Variants in ENDOD1 observed in about 807,000 individuals in gnomAD.
ENDOD1 encodes the protein endonuclease domain-containing 1 protein.
ENDOD1 carries 9 observed loss-of-function variants against 6.5 expected under a neutral mutation model. That is an observed-to-expected ratio of 1.39 (90% CI 0.84 to 2.43). The LOEUF is 2.43. Among genes scored for constraint, ENDOD1 ranks in the 30% most tolerant of loss-of-function variants. The pLI, the probability that ENDOD1 is intolerant of heterozygous loss-of-function variation, is 0.00. For missense variants in ENDOD1, 648 were observed against 635.5 expected (o/e 1.02, Z -0.21); for synonymous variants, 255 against 255.2 (o/e 1.00, Z 0.01).
At chr11:95,103,041 C>CATT (rs1334064885) in intron 1 of ENDOD1, among the ~76,000 whole-genome samples, 3 of 151,466 alleles carry the variant, frequency 2.0e-5, no homozygotes, top group Admixed American at 6.6e-5. Context: ...TATTGGGTAC[C>CATT]ATTCTATTTT....
At chr11:95,102,857 A>C (rs1859054221) in intron 1 of ENDOD1, among the ~76,000 whole-genome samples, 1 of 152,114 alleles carries the variant, frequency 6.6e-6, no homozygotes, top group Admixed American at 6.5e-5. Context: ...GGCTTTGGAG[A>C]AAGGCTATTT....
chr11:95,104,810 G>C (rs1461726025), intron 1 of ENDOD1, among the ~76,000 whole-genome samples: 1 of 152,162 alleles, frequency 6.6e-6, no homozygotes, highest in Non-Finnish European at 1.5e-5. Context: ...TACCCTGTCT[G>C]TATCTTCTCT....
In ENDOD1 at chr11:95,124,386, A is replaced by G. The variant is rs565942139; in HGVS notation, c.301-3991A>G. ...TTAGTCTCCAATCCATCTCCCCATC[A>G]CTATACAGGTATAGTAGCCAGATAT... On this transcript the variant is annotated intron_variant, in intron 1 of 1. Transcript: ENST00000278505. 2.2e-4 allele frequency among the ~76,000 whole-genome samples: 34 copies of G among 152,344 alleles called. No homozygotes were observed. In the South Asian group the frequency reaches 5.8e-3, roughly 26 times the overall value.
At chr11:95,106,440 A>G (rs1451281377) in intron 1 of ENDOD1, among the ~76,000 whole-genome samples, 1 of 152,110 alleles carries the variant, frequency 6.6e-6, no homozygotes, top group African/African-American at 2.4e-5. Context: ...GGTTTGAGAG[A>G]AGAAGTTGGA....
rs1436642273 is a variant in ENDOD1 at position 95,089,871 on chromosome 11, A to G, written c.-57A>G. On this transcript the variant is annotated 5_prime_UTR_variant, in exon 1 of 2. Coordinates refer to ENST00000278505, the MANE Select transcript of ENDOD1 (RefSeq NM_015036.3). ...GTAGTGCGCTCCCCGCCCAGCCTGC[A>G]GAGCTCGCGCCGCGGCAGCCCAGCC... 1.5e-4 allele frequency: 195 copies of G among 1,283,572 alleles called. No individual in the cohort carries two copies. The highest frequency in any genetic ancestry group is 1.8e-4 in the Non-Finnish European group (184 of 1,013,436). 79.5% of individuals were successfully genotyped at this position (1,283,572 alleles called of 1,614,324 possible).
chr11:95,092,200 G>A (rs782183957), intron 1 of ENDOD1, among the ~76,000 whole-genome samples: 43 of 152,046 alleles, frequency 2.8e-4, no homozygotes, highest in Non-Finnish European at 5.4e-4. Context: ...GAAAGGCATG[G>A]CAGATTCAGG....
At chr11:95,116,158 G>C (rs765309251) in intron 1 of ENDOD1, among the ~76,000 whole-genome samples, 1 of 151,982 alleles carries the variant, frequency 6.6e-6, no homozygotes, top group Admixed American at 6.6e-5. Context: ...TTATAGCTTC[G>C]ATCTCATTAC....
At chr11:95,090,902 C>G (rs535158712) in intron 1 of ENDOD1, among the ~76,000 whole-genome samples, 30 of 152,286 alleles carry the variant, frequency 2.0e-4, no homozygotes, top group Admixed American at 1.7e-3. Flanking sequence ...AATAAAGATA[C>G]AGATTTTTAG....
intron 1 of ENDOD1, among the ~76,000 whole-genome samples, chr11:95,091,506 T>C (rs1183020825): frequency 6.6e-6 from 1 of 152,182 alleles, no homozygotes; most frequent in Non-Finnish European, 1.5e-5. Flanking sequence ...AATCCAAAAT[T>C]AGTTTTCCAC....
intron 1 of ENDOD1, among the ~76,000 whole-genome samples, chr11:95,115,663 T>A (rs1859201563): frequency 6.6e-6 from 1 of 152,106 alleles, no homozygotes; most frequent in Non-Finnish European, 1.5e-5. Context: ...GGTATGTTCC[T>A]TCTATCCCTG....
At position 95,129,226 on chromosome 11, in the gene ENDOD1, A is replaced by G. The variant is rs1023299886; in HGVS notation, c.1150A>G (p.Ile384Val). The G allele has an allele frequency of 3.0e-5, 48 of 1,613,972 alleles. No homozygotes were observed. The Middle Eastern group carries it at 6.6e-4, about 22-fold the overall frequency. The part of the protein sequence containing the change: ...SCLYRLGSAT[I>V]SYFMAIGEEL... ...CCTTTACCGCCTGGGCTCAGCCACC[A>G]TCTCATACTTCATGGCCATTGGGGA... is the stretch of plus-strand genomic sequence containing the variant. The change falls in exon 2 of 2, where the codon ATC becomes GTC. Residue 384 changes from isoleucine (I) to valine (V), a missense_variant. Transcript: ENST00000278505.
chr11:95,116,039 T>C (rs1207228878), intron 1 of ENDOD1, among the ~76,000 whole-genome samples: 3 of 152,304 alleles, frequency 2.0e-5, no homozygotes, highest in South Asian at 2.1e-4. Flanking sequence ...TTCTCTGTTT[T>C]TTGGAATAGT....
chr11:95,126,819 C>A (rs955331603), intron 1 of ENDOD1, among the ~76,000 whole-genome samples: 11 of 151,978 alleles, frequency 7.2e-5, no homozygotes, highest in African/African-American at 2.4e-4. Flanking sequence ...TAGCTGGGAC[C>A]ACAGGTGTGT....
chr11:95,107,782 A>T (rs1395726239), intron 1 of ENDOD1, among the ~76,000 whole-genome samples: 1 of 151,978 alleles, frequency 6.6e-6, no homozygotes, highest in Non-Finnish European at 1.5e-5. Context: ...TGCCTCAGCC[A>T]CCCGAGTAGC....
At position 95,094,292 on chromosome 11, in the gene ENDOD1, T is replaced by G. The variant is rs926268861; in HGVS notation, c.300+4065T>G. 2.6e-5 allele frequency among the ~76,000 whole-genome samples: 4 copies of G among 152,032 alleles called. No homozygotes were observed. The East Asian group carries it at 7.7e-4, about 29-fold the overall frequency. ...GGAGGTTAACTGAGGTGTTTTAGGG[T>G]CACACAGCTTATTTTTGAACTCATT... On this transcript the variant is annotated intron_variant, in intron 1 of 1. Transcript: ENST00000278505.
At chr11:95,109,578 C>T (rs542074050) in intron 1 of ENDOD1, among the ~76,000 whole-genome samples, 4 of 152,230 alleles carry the variant, frequency 2.6e-5, no homozygotes, top group African/African-American at 7.2e-5. Flanking sequence ...ATAAACATAC[C>T]GTCTCAGTGC....
intron 1 of ENDOD1, among the ~76,000 whole-genome samples, chr11:95,126,276 C>T (rs1439777054): frequency 6.6e-6 from 1 of 152,230 alleles, no homozygotes; most frequent in Non-Finnish European, 1.5e-5. Flanking sequence ...GGACTGCCCT[C>T]AGACTAGAGG....
Position 95,089,933 on chromosome 11 carries a change from C to G in ENDOD1, c.6C>G (p.Gly2=). 7.0e-7 allele frequency: 1 copy of G among 1,428,700 alleles called. No individual in the cohort carries two copies. Among genetic ancestry groups the G allele is most frequent in the Non-Finnish European group, 9.2e-7 (1 of 1,082,276 alleles). 88.5% of individuals were successfully genotyped at this position (1,428,700 alleles called of 1,614,324 possible). A position where few individuals can be genotyped will look rare whatever the true frequency, so the allele number is the denominator to read the frequency against. ...CCGCGCTCGCAGAGGCCGCCATGGG[C>G]ACCGCGCGCTGGCTCGCGCTGGGCA... is the stretch of plus-strand genomic sequence containing the variant. M[G]TARWLALGSL... The change falls in exon 1 of 2, where the codon GGC becomes GGG. Residue 2 remains glycine (G), a synonymous_variant. Transcript: ENST00000278505.
chr11:95,101,766 C>G (rs2134163981), intron 1 of ENDOD1, among the ~76,000 whole-genome samples: 1 of 152,326 alleles, frequency 6.6e-6, no homozygotes, highest in African/African-American at 2.4e-5. Context: ...ATAAGCCCCT[C>G]AAACAACCAC....
Sources: allele counts gnomAD v4.1 joint callset (sites outside exome capture counted in the v4.1 genomes callset), GRCh38; gene constraint gnomAD v4.1.1; transcripts MANE v1.5; gene names NCBI Gene and HGNC (gene_info 2026-07-23, HGNC 2026-07-21).